Variants in SFMBT2 observed in about 807,000 individuals in gnomAD.
SFMBT2 encodes scm-like with four MBT domains protein 2.
Under a neutral mutation model 110.1 loss-of-function variants are expected in SFMBT2, and 38 were observed. The ratio of observed to expected loss-of-function variants is 0.35; its 90% confidence interval spans 0.27 to 0.45. The LOEUF (loss-of-function observed/expected upper bound fraction) is 0.45. SFMBT2 is among the 20% of genes least tolerant of loss of function. The probability of loss-of-function intolerance (pLI) is 1.00; values close to 1 mark genes in which losing one functional copy is unlikely to be tolerated. For synonymous variants in SFMBT2, 425 were observed against 425.4 expected (o/e 1.00, Z 0.01); for missense variants, 1,011 against 1,094.9 (o/e 0.92, Z 1.08).
At chr10:7,195,454 T>A (rs773730124) in intron 15 of SFMBT2, among the ~76,000 whole-genome samples, 5 of 152,208 alleles carry the variant, frequency 3.3e-5, no homozygotes, top group Non-Finnish European at 7.3e-5. Context: ...TACTGTTCGA[T>A]TTCAAGACCA....
intron 4 of SFMBT2, among the ~76,000 whole-genome samples, chr10:7,302,761 GA>G (rs1211692180): frequency 6.6e-6 from 1 of 152,160 alleles, no homozygotes; most frequent in African/African-American, 2.4e-5. Context: ...AGGTGGAGCT[GA>G]GGAGTCCCCG....
In SFMBT2 at chr10:7,336,542, C is replaced by G. The variant is rs946719098; in HGVS notation, c.436+31107G>C. On this transcript the variant is annotated intron_variant, in intron 4 of 20. Coordinates refer to ENST00000397167, the MANE Select transcript of SFMBT2 (RefSeq NM_001387889.1). ...CAGTGGCTCAAACCTGTAACTCCAGCACTTGGGAAGGCTGAGGCGGGAGGA... is the reference window on the plus strand; with the variant it reads ...CAGTGGCTCAAACCTGTAACTCCAGGACTTGGGAAGGCTGAGGCGGGAGGA... 3.9e-5 allele frequency among the ~76,000 whole-genome samples: 6 copies of G among 152,262 alleles called. No individual in the cohort carries two copies. The East Asian group carries it at 1.2e-3, about 29-fold the overall frequency.
intron 4 of SFMBT2, among the ~76,000 whole-genome samples, chr10:7,359,468 C>T (rs1401383762): frequency 1.3e-5 from 2 of 152,186 alleles, no homozygotes; most frequent in Non-Finnish European, 2.9e-5. Context: ...AGCACCAACT[C>T]CCCCCTCGAA....
intron 4 of SFMBT2, chr10:7,329,476 A>C: frequency 3.0e-6 from 3 of 985,474 alleles, no homozygotes; most frequent in Non-Finnish European, 3.6e-6. Flanking sequence ...GTGTGTGGTG[A>C]GTTCTGCAAA....
At chr10:7,375,514 TA>T (rs763145640) in intron 2 of SFMBT2, among the ~76,000 whole-genome samples, 2 of 150,402 alleles carry the variant, frequency 1.3e-5, no homozygotes, top group Admixed American at 6.6e-5. Flanking sequence ...TTTCTTCTTG[TA>T]AATACTGATA....
intron 4 of SFMBT2, among the ~76,000 whole-genome samples, chr10:7,320,251 G>T (rs985255514): frequency 1.3e-5 from 2 of 152,198 alleles, no homozygotes; most frequent in Non-Finnish European, 2.9e-5. Flanking sequence ...TGAGTGTGCA[G>T]CTGCTGACTC....
chr10:7,228,816 A>C (rs1840026301), intron 9 of SFMBT2, among the ~76,000 whole-genome samples: 1 of 112,910 alleles, frequency 8.9e-6, no homozygotes, highest in African/African-American at 3.6e-5. Context: ...CTTTGTATTC[A>C]CTTCATTTTT....
intron 16 of SFMBT2, among the ~76,000 whole-genome samples, chr10:7,185,980 C>T (rs1412426411): frequency 1.3e-5 from 2 of 151,798 alleles, no homozygotes; most frequent in South Asian, 2.1e-4. Flanking sequence ...CATTTTTTTT[C>T]CCTGGCATAA....
intron 6 of SFMBT2, among the ~76,000 whole-genome samples, chr10:7,281,696 T>C (rs569741605): frequency 2.6e-5 from 4 of 152,216 alleles, no homozygotes; most frequent in African/African-American, 4.8e-5. Context: ...AGTTTCCATC[T>C]TGAAACTACT....
chr10:7,278,987 G>T (rs1000720332), intron 6 of SFMBT2, among the ~76,000 whole-genome samples: 1 of 151,846 alleles, frequency 6.6e-6, no homozygotes, highest in Non-Finnish European at 1.5e-5. Flanking sequence ...TGTAATACCA[G>T]CTACTCGGGA....
chr10:7,264,402 C>T (rs911891992), intron 7 of SFMBT2, among the ~76,000 whole-genome samples: 18 of 152,136 alleles, frequency 1.2e-4, no homozygotes, highest in Non-Finnish European at 1.8e-4. Flanking sequence ...TGCAGAAGGA[C>T]ACCAAGACAC....
At chr10:7,385,518 G>GA (rs745336709) in intron 1 of SFMBT2, among the ~76,000 whole-genome samples, 70 of 152,232 alleles carry the variant, frequency 4.6e-4, no homozygotes, top group Non-Finnish European at 8.2e-4. Flanking sequence ...AAAGGGAGGA[G>GA]ACAATGCCAG....
intron 11 of SFMBT2, among the ~76,000 whole-genome samples, chr10:7,211,446 C>T (rs1423991870): frequency 6.6e-6 from 1 of 152,134 alleles, no homozygotes; most frequent in Non-Finnish European, 1.5e-5. Context: ...TCTGGAGAGG[C>T]GATTCCCCGG....
intron 4 of SFMBT2, among the ~76,000 whole-genome samples, chr10:7,349,578 C>G (rs112595235): frequency 0.046 from 6,908 of 150,720 alleles, 205 homozygotes; most frequent in Non-Finnish European, 0.068. Context: ...CTGCCTCAGC[C>G]TCTCGACTAG....
intron 16 of SFMBT2, 193 bp from the exon 17 acceptor site, chr10:7,176,358 G>T: frequency 1.6e-6 from 1 of 610,680 alleles, no homozygotes; most frequent in Non-Finnish European, 2.1e-6. Flanking sequence ...CAACAAATGT[G>T]TCGTAACAGT....
intron 9 of SFMBT2, among the ~76,000 whole-genome samples, chr10:7,228,733 TTCCTTTCTCTCTCTCTCTCTCTCTCTC>T (rs1840006248): frequency 1.6e-4 from 11 of 70,560 alleles, no homozygotes; most frequent in Admixed American, 6.3e-4. Context: ...CTTTCTTTCT[TTCCTTTCTCTCTCTCTCTCTCTCTCTC>T]TCTCTCTCTC....
Position 7,172,015 on chromosome 10 carries a change from G to T in SFMBT2, c.2295C>A (p.Ser765Arg). 1.9e-6 allele frequency: 3 copies of T among 1,576,928 alleles called. No individual in the cohort carries two copies. The highest frequency in any genetic ancestry group is 2.6e-6 in the Non-Finnish European group (3 of 1,163,850). ...ARPRRAVTLR[S>R]GSEPVRRPPP... ...GTGGCCGGCGCACGGGCTCTGAGCC[G>T]CTCCGCAGGGTGACGGCCCTCCGGG... Residue 765 changes from serine to arginine, a missense_variant, in exon 19 of 21, where the codon AGC becomes AGA. Physicochemically the swap from Ser to Arg is moderately radical, Grantham distance 110. Transcript: ENST00000397167. This position sits in a 1 kb window ranked among gnomAD's most constrained non-coding sequence, Gnocchi z 4.6.
intron 11 of SFMBT2, among the ~76,000 whole-genome samples, chr10:7,219,390 G>C (rs1261604178): frequency 1.3e-5 from 2 of 152,038 alleles, no homozygotes; most frequent in African/African-American, 4.8e-5. Context: ...CAATTTTCTG[G>C]GAATTGGCAA....
At chr10:7,373,367 C>A (rs1437408933) in intron 2 of SFMBT2, among the ~76,000 whole-genome samples, 1 of 152,200 alleles carries the variant, frequency 6.6e-6, no homozygotes, top group Non-Finnish European at 1.5e-5. Context: ...GTTGAATAAA[C>A]CTTTTCTTTA....
Sources: allele counts gnomAD v4.1 joint callset (sites outside exome capture counted in the v4.1 genomes callset), GRCh38; gene constraint gnomAD v4.1.1; non-coding constraint Gnocchi (gnomAD v3.1); transcripts MANE v1.5; gene names NCBI Gene and HGNC (gene_info 2026-07-23, HGNC 2026-07-21).